Variants in TLL1 observed in about 807,000 individuals in gnomAD.
TLL1 encodes tolloid like 1.
In TLL1, 49 loss-of-function variants were observed where a neutral mutation model predicts 128.2. That is an observed-to-expected ratio of 0.38 (90% confidence interval 0.30 to 0.48). The LOEUF is 0.48. Among genes scored for constraint, TLL1 ranks in the 20% least tolerant of loss-of-function variants. The pLI is 0.96. For synonymous variants in TLL1, 454 were observed against 418.8 expected (o/e 1.08, Z -1.03); for missense variants, 1,123 against 1,242.0 (o/e 0.90, Z 1.44).
Position 166,020,798 on chromosome 4 carries a change from A to T in TLL1, c.1043-4518A>T, listed in dbSNP as rs185088429. On this transcript the variant is annotated intron_variant, in intron 8 of 20. Transcript: ENST00000061240. ...TGTCAAGTAACATAGTGAAATTTTT[A>T]AAAGTATAACATAAATTGATAATCT... Among the ~76,000 whole-genome samples the T allele has an allele frequency of 5.1e-3, 777 of 152,328 alleles. 2 individuals are homozygous for T. Among genetic ancestry groups the T allele is most frequent in the African/African-American group, 0.018 (734 of 41,572 alleles).
At position 166,052,965 on chromosome 4, in the gene TLL1, G is replaced by GTGTGTATATATATATATATATATATATA; in HGVS notation, c.1525-2110_1525-2109insGTGTATATATATATATATATATATATAT. On this transcript the variant is annotated intron_variant, in intron 12 of 20. Transcript: ENST00000061240. The stretch of plus-strand genomic sequence containing the variant: ...TAAAGACTGAGATAAGAGGTTATGT[G>GTGTGTATATATATATATATATATATATA]TATATATATATATATATTTGGCCAA... Among the ~76,000 whole-genome samples the GTGTGTATATATATATATATATATATATA allele has an allele frequency of 5.1e-4, 51 of 99,694 alleles. 2 individuals are homozygous for GTGTGTATATATATATATATATATATATA. Among genetic ancestry groups the GTGTGTATATATATATATATATATATATA allele is most frequent in the East Asian group, 1.9e-3 (6 of 3,190 alleles). The allele number at this position is 99,694 out of a possible 152,430, so 65.4% of individuals were successfully genotyped here. A position where few individuals can be genotyped will look rare whatever the true frequency, so the allele number is the denominator to read the frequency against.
At position 166,099,393 on chromosome 4, in the gene TLL1, C is replaced by T. The variant is rs780124425; in HGVS notation, c.2773C>T (p.Arg925Trp). The T allele has an allele frequency of 2.4e-5, 39 of 1,613,422 alleles. No homozygotes were observed. The highest frequency in any genetic ancestry group is 6.7e-5 in the East Asian group (3 of 44,824). ...VDCEWLLVSE[R>W]GSRLELSFQT... ...CTGTGAATGGCTATTAGTATCAGAA[C>T]GGGGCTCTCGACTTGAATTATCCTT... The change falls in exon 20 of 21, where the codon CGG becomes TGG. Residue 925 changes from arginine (R) to tryptophan (W), a missense_variant. This residue lies in a region of TLL1 where 634 missense variants were observed against 672.4 expected (regional missense o/e 0.94). Coordinates refer to ENST00000061240, the MANE Select transcript of TLL1 (RefSeq NM_012464.5).
At chr4:166,090,659 T>C (rs952412014) in intron 18 of TLL1, among the ~76,000 whole-genome samples, 25 of 152,032 alleles carry the variant, frequency 1.6e-4, no homozygotes, top group African/African-American at 6.0e-4. Context: ...GCTATGAAGA[T>C]TTGTTGCATT....
chr4:165,998,843 T>C (rs941422616), intron 5 of TLL1, among the ~76,000 whole-genome samples: 1 of 152,026 alleles, frequency 6.6e-6, no homozygotes, highest in African/African-American at 2.4e-5. Flanking sequence ...CTTGTTGAAT[T>C]CTCATTTTGT....
chr4:166,063,254 T>C (rs1740419805), intron 15 of TLL1, among the ~76,000 whole-genome samples: 1 of 152,170 alleles, frequency 6.6e-6, no homozygotes, highest in Admixed American at 6.6e-5. Flanking sequence ...TCATCATCAC[T>C]GGCCATCAGA....
At chr4:165,876,970 T>C (rs532397484) in intron 1 of TLL1, among the ~76,000 whole-genome samples, 2 of 152,336 alleles carry the variant, frequency 1.3e-5, no homozygotes, top group East Asian at 1.9e-4. Context: ...AGGAATGGAT[T>C]ACTACTGTTA....
rs78481565 is a variant in TLL1, at chr4:165,931,780, T to C, written c.170-57601T>C. 1.5e-3 allele frequency among the ~76,000 whole-genome samples: 233 copies of C among 152,058 alleles called. 1 individual carries two copies. In the East Asian group the frequency reaches 0.041, roughly 27 times the overall value. ...AGATACTGCACGGGGTAGTTCTCCA[T>C]TGAGCAGCTCATTTCACGATACCAC... On this transcript the variant is annotated intron_variant, in intron 1 of 20. Coordinates refer to ENST00000061240, the MANE Select transcript of TLL1 (RefSeq NM_012464.5).
intron 1 of TLL1, among the ~76,000 whole-genome samples, chr4:165,890,754 A>T (rs1306115035): frequency 1.3e-5 from 2 of 152,158 alleles, no homozygotes; most frequent in East Asian, 3.9e-4. Flanking sequence ...TTTTCTAGGC[A>T]CAAGGTGAAA....
In TLL1 at chr4:166,045,378, A is replaced by G. The variant is rs143802550; in HGVS notation, c.1524+1959A>G. ...CTTTTTGTCACCGCTTACCCAAGGAACATCCTTAATTCTACCTTTTCTCTT... is the reference window on the plus strand; with the variant it reads ...CTTTTTGTCACCGCTTACCCAAGGAGCATCCTTAATTCTACCTTTTCTCTT... On this transcript the variant is annotated intron_variant, in intron 12 of 20. Transcript: ENST00000061240. Among the ~76,000 whole-genome samples the G allele has an allele frequency of 1.6e-3, 236 of 152,256 alleles. 1 individual carries two copies. The highest frequency in any genetic ancestry group is 5.1e-3 in the African/African-American group (212 of 41,556).
intron 19 of TLL1, among the ~76,000 whole-genome samples, chr4:166,091,952 A>C (rs55677185): frequency 0.047 from 7,198 of 152,178 alleles, 292 homozygotes; most frequent in East Asian, 0.13. Context: ...TTTAGACAAA[A>C]ATATAGAGTA....
intron 1 of TLL1, among the ~76,000 whole-genome samples, chr4:165,927,261 G>A (rs1172162264): frequency 1.3e-5 from 2 of 152,254 alleles, no homozygotes; most frequent in South Asian, 2.1e-4. Flanking sequence ...TTCCGTAGGC[G>A]ATGTTGTGTA....
At chr4:165,951,206 A>T (rs915818538) in intron 1 of TLL1, among the ~76,000 whole-genome samples, 1 of 152,162 alleles carries the variant, frequency 6.6e-6, no homozygotes, top group Admixed American at 6.6e-5. Flanking sequence ...TAAAGAAATG[A>T]TAACCTGAAT....
chr4:165,908,376 G>T (rs1201211509), intron 1 of TLL1, among the ~76,000 whole-genome samples: 1 of 151,994 alleles, frequency 6.6e-6, no homozygotes, highest in Non-Finnish European at 1.5e-5. Context: ...GATCACTTGA[G>T]CCCAGGAGTT....
At chr4:165,912,521 A>C (rs1732583551) in intron 1 of TLL1, among the ~76,000 whole-genome samples, 1 of 152,236 alleles carries the variant, frequency 6.6e-6, no homozygotes, top group East Asian at 1.9e-4. Flanking sequence ...AAAGACTCTA[A>C]AGTACACATC....
chr4:165,908,229 G>A (rs1245768229), intron 1 of TLL1, among the ~76,000 whole-genome samples: 6 of 152,164 alleles, frequency 3.9e-5, no homozygotes, highest in Non-Finnish European at 8.8e-5. Flanking sequence ...GTAAGTGGTG[G>A]AGGTGCTACT....
At position 166,049,680 on chromosome 4, in the gene TLL1, TAATA is replaced by T. The variant is rs1224963752; in HGVS notation, c.1525-5391_1525-5388del. Among the ~76,000 whole-genome samples the T allele has an allele frequency of 8.6e-5, 13 of 150,736 alleles. 1 individual carries two copies. The highest frequency in any genetic ancestry group is 2.7e-4 in the African/African-American group (11 of 41,338). On this transcript the variant is annotated intron_variant, in intron 12 of 20. Coordinates refer to ENST00000061240, the MANE Select transcript of TLL1 (RefSeq NM_012464.5). ...TCAACTTAATTTTAAATATTACTAC[TAATA>T]AATATTATTAAATAAATAAGATAAT...
chr4:166,037,473 A>C (rs944247944), intron 9 of TLL1, among the ~76,000 whole-genome samples: 1 of 152,124 alleles, frequency 6.6e-6, no homozygotes, highest in Non-Finnish European at 1.5e-5. Flanking sequence ...AAAAAGATAA[A>C]CTGCAAAGAG....
chr4:165,921,600 A>T (rs1733044307), intron 1 of TLL1, among the ~76,000 whole-genome samples: 1 of 152,124 alleles, frequency 6.6e-6, no homozygotes, highest in African/African-American at 2.4e-5. Context: ...TCACTTAGTT[A>T]TTCTGGCAGA....
At chr4:166,006,915 ACT>A (rs928876513) in intron 6 of TLL1, among the ~76,000 whole-genome samples, 2 of 151,464 alleles carry the variant, frequency 1.3e-5, no homozygotes, top group African/African-American at 2.4e-5. Flanking sequence ...CCTTTAGAAA[ACT>A]CTGTATTAAT....
Sources: gnomAD v4.1 joint callset for allele counts (sites outside exome capture counted in the v4.1 genomes callset) on GRCh38, gnomAD v4.1.1 for gene constraint, gnomAD v4.1.1 regional missense constraint, MANE v1.5 for transcripts, NCBI Gene and HGNC (gene_info 2026-07-23, HGNC 2026-07-21) for gene names.